DDX10: variants seen among roughly 807,000 people sequenced by gnomAD.
The protein encoded by DDX10 is probable ATP-dependent RNA helicase DDX10.
DDX10 carries 74 observed loss-of-function variants against 104.3 expected under a neutral mutation model. The ratio of observed to expected loss-of-function variants is 0.71; its 90% confidence interval spans 0.59 to 0.86. DDX10 has a LOEUF of 0.86. Among genes scored for constraint, DDX10 ranks in the 40% least tolerant of loss-of-function variants. DDX10 has a pLI of 0.00. For synonymous variants in DDX10, 351 were observed against 353.4 expected (o/e 0.99, Z 0.08); for missense variants, 952 against 1,040.0 (o/e 0.92, Z 1.16).
intron 16 of DDX10, among the ~76,000 whole-genome samples, chr11:108,902,579 A>G (rs572316529): frequency 6.6e-6 from 1 of 152,282 alleles, no homozygotes; most frequent in South Asian, 2.1e-4. Flanking sequence ...ACCCTGTTGT[A>G]AGCTAAAAAG....
intron 10 of DDX10, among the ~76,000 whole-genome samples, chr11:108,715,594 TGTTGA>T (rs1477305262): frequency 5.3e-5 from 8 of 152,378 alleles, no homozygotes; most frequent in African/African-American, 1.2e-4. Flanking sequence ...ACTTTCTATC[TGTTGA>T]GTTAAGTAGC....
chr11:108,750,284 A>G (rs1591808813), intron 13 of DDX10, among the ~76,000 whole-genome samples: 2 of 152,220 alleles, frequency 1.3e-5, no homozygotes, highest in Admixed American at 1.3e-4. Context: ...ACCCACTACC[A>G]GCTTATTTAG....
chr11:108,794,353 C>T (rs1446949320), intron 13 of DDX10, among the ~76,000 whole-genome samples: 2 of 151,986 alleles, frequency 1.3e-5, no homozygotes, highest in South Asian at 4.1e-4. Flanking sequence ...TTTTGTCATC[C>T]TTACCAATCT....
chr11:108,911,486 G>A (rs1044138405), intron 16 of DDX10, among the ~76,000 whole-genome samples: 17 of 151,362 alleles, frequency 1.1e-4, no homozygotes, highest in African/African-American at 4.1e-4. Flanking sequence ...CTCTTGTAAG[G>A]GCACTAATCT....
intron 16 of DDX10, among the ~76,000 whole-genome samples, chr11:108,872,890 C>G (rs1241542921): frequency 6.7e-6 from 1 of 149,632 alleles, no homozygotes; most frequent in East Asian, 2.0e-4. Context: ...CTTTCCCACT[C>G]CTCCCACCTC....
intron 13 of DDX10, among the ~76,000 whole-genome samples, chr11:108,751,819 A>G (rs1196463261): frequency 6.6e-6 from 1 of 152,208 alleles, no homozygotes; most frequent in Admixed American, 6.5e-5. Flanking sequence ...TCGACTGTAT[A>G]ACTGTCTTTC....
intron 9 of DDX10, among the ~76,000 whole-genome samples, chr11:108,697,224 CT>C (rs5794600): frequency 0.7 from 84,639 of 121,188 alleles, 27,710 homozygotes; most frequent in South Asian, 0.78. Flanking sequence ...ATATATAATG[CT>C]TTTTTTTTTT....
At chr11:108,834,397 A>G (rs1473557900) in intron 13 of DDX10, among the ~76,000 whole-genome samples, 2 of 152,072 alleles carry the variant, frequency 1.3e-5, no homozygotes, top group Non-Finnish European at 2.9e-5. Context: ...ACAGTTCAAT[A>G]TTGTTTATAG....
chr11:108,849,904 A>G (rs1272222632), intron 15 of DDX10, among the ~76,000 whole-genome samples: 1 of 152,130 alleles, frequency 6.6e-6, no homozygotes, highest in Admixed American at 6.5e-5. Flanking sequence ...TCTTTAGAAA[A>G]TTATTTTTTT....
intron 13 of DDX10, among the ~76,000 whole-genome samples, chr11:108,776,656 A>G (rs1404980689): frequency 6.6e-6 from 1 of 152,184 alleles, no homozygotes; most frequent in Non-Finnish European, 1.5e-5. Flanking sequence ...TGGTGGGCCC[A>G]ATACTCACGT....
chr11:108,729,530 T>C (rs541736613), intron 13 of DDX10, among the ~76,000 whole-genome samples: 1 of 151,934 alleles, frequency 6.6e-6, no homozygotes, highest in South Asian at 2.1e-4. Flanking sequence ...AATATCCTTT[T>C]CTCAGAGTGA....
intron 1 of DDX10, 117 bp from the exon 2 acceptor site, chr11:108,673,350 C>T (rs1483834488): frequency 1.0e-5 from 7 of 688,238 alleles, no homozygotes; most frequent in Non-Finnish European, 1.8e-5. Flanking sequence ...TAATTAGAAG[C>T]GATGATTGAA....
rs886216157 is a variant in DDX10, at chr11:108,892,799, C to G, written c.2305-25074C>G. ...CATTCTTTTAATGATGAAGGAAGTT[C>G]TTATTTCTAAAAGGTTAATAACCTT... On this transcript the variant is annotated intron_variant, in intron 16 of 17. Transcript: ENST00000322536. Among the ~76,000 whole-genome samples the G allele has an allele frequency of 4.6e-5, 7 of 152,070 alleles. 1 individual carries two copies. Among genetic ancestry groups the G allele is most frequent in the Admixed American group, 2.0e-4 (3 of 15,258 alleles).
At chr11:108,672,029 C>G (rs1048024749) in intron 1 of DDX10, among the ~76,000 whole-genome samples, 1 of 142,614 alleles carries the variant, frequency 7.0e-6, no homozygotes, top group Non-Finnish European at 1.5e-5. Context: ...CCACTGCACT[C>G]CAGCCTGGGC....
intron 13 of DDX10, among the ~76,000 whole-genome samples, chr11:108,793,258 CTGT>C (rs1861894969): frequency 6.6e-6 from 1 of 152,162 alleles, no homozygotes; most frequent in African/African-American, 2.4e-5. Flanking sequence ...TCATTATATC[CTGT>C]TGACCAAATA....
intron 10 of DDX10, among the ~76,000 whole-genome samples, chr11:108,708,884 G>A (rs1351453431): frequency 6.6e-6 from 1 of 152,118 alleles, no homozygotes; most frequent in Non-Finnish European, 1.5e-5. Context: ...TTGTGGTGAT[G>A]TTCCCTTTTT....
chr11:108,883,132 A>G (rs1451356256), intron 16 of DDX10, among the ~76,000 whole-genome samples: 1 of 152,084 alleles, frequency 6.6e-6, no homozygotes. Context: ...AAAACTTGAG[A>G]TGAGAGACTT....
At chr11:108,673,208 A>ATAG (rs1360757925) in intron 1 of DDX10, among the ~76,000 whole-genome samples, 2 of 152,166 alleles carry the variant, frequency 1.3e-5, no homozygotes, top group Non-Finnish European at 2.9e-5. Flanking sequence ...TGGAGGTCAG[A>ATAG]TAGTAGTATG....
Position 108,675,120 on chromosome 11 carries a change from G to A in DDX10, c.248-476G>A, listed in dbSNP as rs201555012. ...TGTGTGTGTGTGTGTGTGTGTGTGT[G>A]TGTGTATGTGTATGTATATAACATA... On this transcript the variant is annotated intron_variant, in intron 2 of 17. Transcript: ENST00000322536. 1.2e-4 allele frequency among the ~76,000 whole-genome samples: 16 copies of A among 138,546 alleles called. No individual in the cohort carries two copies. In the East Asian group the frequency reaches 1.4e-3, roughly 12 times the overall value. 90.9% of individuals were successfully genotyped at this position (138,546 alleles called of 152,430 possible).
Sources: allele counts gnomAD v4.1 joint callset (sites outside exome capture counted in the v4.1 genomes callset), GRCh38; gene constraint gnomAD v4.1.1; transcripts MANE v1.5; gene names NCBI Gene and HGNC (gene_info 2026-07-23, HGNC 2026-07-21).